Variants in PPP1R12A observed in about 807,000 individuals in gnomAD.
PPP1R12A encodes myosin binding subunit.
Under a neutral mutation model 139.6 loss-of-function variants are expected in PPP1R12A, and 19 were observed. That is an observed-to-expected ratio of 0.14 (90% confidence interval 0.09 to 0.20). The LOEUF is 0.20. PPP1R12A is among the 10% of genes least tolerant of loss of function. The probability of loss-of-function intolerance (pLI) is 1.00; values close to 1 mark genes in which losing one functional copy is unlikely to be tolerated. For missense variants in PPP1R12A, 925 were observed against 1,211.5 expected (o/e 0.76, Z 3.51); for synonymous variants, 427 against 420.6 (o/e 1.02, Z -0.19).
Position 79,820,859 on chromosome 12 carries a change from A to T in PPP1R12A, c.1029T>A (p.Asp343Glu). 11 of 1,613,576 alleles carry T rather than the reference A, an allele frequency of 6.8e-6. No homozygotes were observed. Among genetic ancestry groups the T allele is most frequent in the Non-Finnish European group, 9.3e-6 (11 of 1,179,778 alleles). The stretch of plus-strand genomic sequence containing the variant: ...CATCCTTCTTTCCTTCTTCTTCTTC[A>T]TCAACCTTTTCTTGTTCCAGAGATT... ...RIESLEQEKVDEEEEGKKDES... is the reference protein window; with the variant it reads ...RIESLEQEKVEEEEEGKKDES... The change falls in exon 8 of 25, where the codon GAT becomes GAA. Residue 343 changes from aspartate to glutamate, a missense_variant. By Grantham distance (45) the Asp-to-Glu change is conservative. This residue lies in a region of PPP1R12A where 403 missense variants were observed against 463.7 expected (regional missense o/e 0.87). Coordinates refer to ENST00000450142, the MANE Select transcript of PPP1R12A (RefSeq NM_002480.3).
chr12:79,804,960 T>C (rs1280777402), intron 14 of PPP1R12A, among the ~76,000 whole-genome samples: 4 of 152,212 alleles, frequency 2.6e-5, no homozygotes, highest in African/African-American at 9.6e-5. Flanking sequence ...TCCATGCCAG[T>C]AGGCAGCAAC....
At chr12:79,781,282 A>T (rs1320068014) in intron 23 of PPP1R12A, among the ~76,000 whole-genome samples, 1 of 152,136 alleles carries the variant, frequency 6.6e-6, no homozygotes, top group Non-Finnish European at 1.5e-5. Flanking sequence ...TGGCATAAGG[A>T]TTTTCTTGTA....
rs34243136 is a variant in PPP1R12A at position 79,775,666 on chromosome 12, T to TA, written c.*262dup. The TA allele has an allele frequency of 5.4e-3, 1,328 of 244,574 alleles. 2 individuals are homozygous for TA. Among genetic ancestry groups the TA allele is most frequent in the Admixed American group, 0.014 (248 of 18,278 alleles). The allele number at this position is 244,574 out of a possible 1,614,324, so 15.2% of individuals were successfully genotyped here. ...GCTGTAAACAAGTTTTCTCAGTCAT[T>TA]AAAAAAAAATCTTCTCAGCAGCTGC... On this transcript the variant is annotated 3_prime_UTR_variant, in exon 25 of 25. Coordinates refer to ENST00000450142, the MANE Select transcript of PPP1R12A (RefSeq NM_002480.3).
intron 4 of PPP1R12A, 83 bp from the exon 5 acceptor site, chr12:79,828,547 A>T: frequency 9.4e-7 from 1 of 1,060,860 alleles, no homozygotes; most frequent in East Asian, 2.9e-5. Flanking sequence ...CATGCAATTT[A>T]ACTACAATTT....
intron 1 of PPP1R12A, among the ~76,000 whole-genome samples, chr12:79,880,322 G>C (rs1883516036): frequency 6.6e-6 from 1 of 152,156 alleles, no homozygotes; most frequent in South Asian, 2.1e-4. Flanking sequence ...AAGAGTTCAA[G>C]TACCAAATCA....
intron 2 of PPP1R12A, among the ~76,000 whole-genome samples, chr12:79,846,056 A>G (rs1879346386): frequency 6.6e-6 from 1 of 152,148 alleles, no homozygotes; most frequent in South Asian, 2.1e-4. Flanking sequence ...AAAATTCAGA[A>G]GGTTCATAAA....
chr12:79,779,204 C>T, intron 23 of PPP1R12A: 1 of 822,318 alleles, frequency 1.2e-6, no homozygotes, highest in Non-Finnish European at 1.8e-6. Context: ...AAAGCCAACA[C>T]ACAACACATT....
chr12:79,874,808 C>T lies in PPP1R12A; in HGVS notation c.238-1870G>A, dbSNP rs116734619. Among the ~76,000 whole-genome samples, 904 of 152,246 alleles carry T rather than the reference C, an allele frequency of 5.9e-3. 8 individuals are homozygous for T. Among genetic ancestry groups the T allele is most frequent in the African/African-American group, 0.021 (866 of 41,532 alleles). On this transcript the variant is annotated intron_variant, in intron 1 of 24. Transcript: ENST00000450142. ...TCTCACAAAAACCCACTCCAAGGTACTCATTGTTCCCCACAATTGTTCCTA... is the reference window on the plus strand; with the variant it reads ...TCTCACAAAAACCCACTCCAAGGTATTCATTGTTCCCCACAATTGTTCCTA...
chr12:79,880,659 G>A (rs1883554834), intron 1 of PPP1R12A, among the ~76,000 whole-genome samples: 1 of 152,066 alleles, frequency 6.6e-6, no homozygotes, highest in Admixed American at 6.5e-5. Flanking sequence ...AGGAAGAAGG[G>A]TGACGTGATC....
At chr12:79,909,546 C>T (rs1241458272) in intron 1 of PPP1R12A, among the ~76,000 whole-genome samples, 5 of 151,900 alleles carry the variant, frequency 3.3e-5, no homozygotes, top group African/African-American at 1.2e-4. Context: ...ACCATCCTCA[C>T]CAACACAGTG....
chr12:79,921,639 T>C (rs954596407), intron 1 of PPP1R12A, among the ~76,000 whole-genome samples: 1 of 152,186 alleles, frequency 6.6e-6, no homozygotes, highest in Non-Finnish European at 1.5e-5. Flanking sequence ...TCAACTAGAT[T>C]GTATACTACA....
rs560744463 is a variant in PPP1R12A, at chr12:79,852,657, C to T, written c.369-7237G>A. Among the ~76,000 whole-genome samples, 2 of 152,188 alleles carry T rather than the reference C, an allele frequency of 1.3e-5. 1 individual carries two copies. The highest frequency in any genetic ancestry group is 4.8e-5 in the African/African-American group (2 of 41,528). Reference sequence around the variant, plus strand: ...AGTTGGGGGTAGATGTTCAGGTTCCCCACTTGTCCTCCATTTACACTACAG... The same window carrying T: ...AGTTGGGGGTAGATGTTCAGGTTCCTCACTTGTCCTCCATTTACACTACAG... On this transcript the variant is annotated intron_variant, in intron 2 of 24. Transcript: ENST00000450142.
At chr12:79,891,752 G>A (rs900117361) in intron 1 of PPP1R12A, among the ~76,000 whole-genome samples, 1 of 152,128 alleles carries the variant, frequency 6.6e-6, no homozygotes, top group Non-Finnish European at 1.5e-5. Flanking sequence ...CTCCTCTCTT[G>A]CTCTCTCCTG....
In PPP1R12A at chr12:79,774,520, G is replaced by A. The variant is rs1869534072; in HGVS notation, c.*1409C>T. The A allele has an allele frequency of 6.6e-6, 1 of 152,428 alleles. No homozygotes were observed. The highest frequency in any genetic ancestry group is 6.6e-5 in the Admixed American group (1 of 15,262). The allele number at this position is 152,428 out of a possible 1,614,324, so 9.4% of individuals were successfully genotyped here. A position where few individuals can be genotyped will look rare whatever the true frequency, so the allele number is the denominator to read the frequency against. ...GAACTGTTCAGTGGTTAAGGAGACAGTTATGTGCCAGAAAGATGTAGTATT... is the reference window on the plus strand; with the variant it reads ...GAACTGTTCAGTGGTTAAGGAGACAATTATGTGCCAGAAAGATGTAGTATT... On this transcript the variant is annotated 3_prime_UTR_variant, in exon 25 of 25. Coordinates refer to ENST00000450142, the MANE Select transcript of PPP1R12A (RefSeq NM_002480.3).
At chr12:79,886,343 T>C (rs1013995244) in intron 1 of PPP1R12A, among the ~76,000 whole-genome samples, 2 of 152,232 alleles carry the variant, frequency 1.3e-5, no homozygotes, top group African/African-American at 4.8e-5. Flanking sequence ...GGAGGCCGTC[T>C]ATATTTAGTT....
intron 2 of PPP1R12A, among the ~76,000 whole-genome samples, chr12:79,852,693 T>C (rs553547226): frequency 6.6e-6 from 1 of 152,296 alleles, no homozygotes; most frequent in South Asian, 2.1e-4. Context: ...ATGGGGCAGC[T>C]TCTTGATTCC....
chr12:79,821,582 A>C (rs910010981), intron 6 of PPP1R12A, among the ~76,000 whole-genome samples: 4 of 152,008 alleles, frequency 2.6e-5, no homozygotes, highest in African/African-American at 9.7e-5. Flanking sequence ...GTGAAACCCC[A>C]TCTCTACTAA....
At chr12:79,917,477 C>CT (rs1245388101) in intron 1 of PPP1R12A, among the ~76,000 whole-genome samples, 1 of 102,612 alleles carries the variant, frequency 9.7e-6, no homozygotes, top group Non-Finnish European at 2.0e-5. Context: ...GAGCGAGACT[C>CT]TGTCTCAAAA....
chr12:79,825,458 T>A (rs932587365), intron 5 of PPP1R12A: 1 of 152,032 alleles, frequency 6.6e-6, no homozygotes. Context: ...CTGTATCACA[T>A]AATTTATAAT....
Sources: gnomAD v4.1 joint callset for allele counts (sites outside exome capture counted in the v4.1 genomes callset) on GRCh38, gnomAD v4.1.1 for gene constraint, gnomAD v4.1.1 regional missense constraint, MANE v1.5 for transcripts, NCBI Gene and HGNC (gene_info 2026-07-23, HGNC 2026-07-21) for gene names.